The following UNC5D variants were observed in gnomAD, a reference collection of about 807,000 sequenced individuals.
The protein encoded by UNC5D is unc-5 netrin receptor D, also known as netrin receptor UNC5D.
UNC5D carries 39 observed loss-of-function variants against 105.4 expected under a neutral mutation model. The ratio of observed to expected loss-of-function variants is 0.37; its 90% CI spans 0.29 to 0.48. The LOEUF (loss-of-function observed/expected upper bound fraction) is 0.48, where lower values mean the gene tolerates loss of function less well. Ranked by LOEUF, UNC5D falls within the 20% of genes least tolerant of loss-of-function variation. UNC5D has a pLI of 0.98. For missense variants in UNC5D, 991 were observed against 1,202.4 expected (o/e 0.82, Z 2.60); for synonymous variants, 452 against 450.4 (o/e 1.00, Z -0.04).
At chr8:35,681,328 G>A (rs529375204) in intron 4 of UNC5D, among the ~76,000 whole-genome samples, 1 of 152,192 alleles carries the variant, frequency 6.6e-6, no homozygotes, top group Non-Finnish European at 1.5e-5. Context: ...TGGTGAGAAT[G>A]TGGATTTACT....
rs1365499555 is a variant in UNC5D, at chr8:35,734,387, A to G, written c.1766+3291A>G. Among the ~76,000 whole-genome samples the G allele has an allele frequency of 2.0e-5, 3 of 147,388 alleles. No homozygotes were observed. The East Asian group carries it at 6.1e-4, about 30-fold the overall frequency. ...AGCCTGTCTCATTTCCCAAACTTTA[A>G]TTTGAAAGACTTGGGGTATTTCTTT... On this transcript the variant is annotated intron_variant, in intron 11 of 16. Coordinates refer to ENST00000404895, the MANE Select transcript of UNC5D (RefSeq NM_080872.4).
intron 1 of UNC5D, among the ~76,000 whole-genome samples, chr8:35,522,932 A>G (rs1291292626): frequency 6.6e-6 from 1 of 152,220 alleles, no homozygotes; most frequent in African/African-American, 2.4e-5. Flanking sequence ...TTGCTTGAAT[A>G]GCCTGATAAC....
intron 1 of UNC5D, among the ~76,000 whole-genome samples, chr8:35,284,888 A>G (rs1457107331): frequency 6.6e-6 from 1 of 152,088 alleles, no homozygotes; most frequent in Non-Finnish European, 1.5e-5. Flanking sequence ...TAGAAGCAAA[A>G]TATTTCTCTC....
intron 1 of UNC5D, among the ~76,000 whole-genome samples, chr8:35,249,051 A>G (rs1803488986): frequency 8.8e-6 from 1 of 114,276 alleles, no homozygotes; most frequent in Non-Finnish European, 1.7e-5. Flanking sequence ...TTATATAAAA[A>G]TAATATATAA....
intron 4 of UNC5D, among the ~76,000 whole-genome samples, chr8:35,635,048 G>A (rs1470463961): frequency 1.3e-5 from 2 of 152,186 alleles, no homozygotes; most frequent in Middle Eastern, 3.2e-3. Flanking sequence ...TTACAAGCAT[G>A]AGCCACTGTG....
At chr8:35,470,400 C>T (rs1407483627) in intron 1 of UNC5D, among the ~76,000 whole-genome samples, 1 of 151,880 alleles carries the variant, frequency 6.6e-6, no homozygotes, top group Non-Finnish European at 1.5e-5. Context: ...GGCCATGGAT[C>T]CTGATATTGA....
In UNC5D at chr8:35,722,230, A is replaced by G. The variant is rs554964130; in HGVS notation, c.1138A>G (p.Ile380Val). The G allele has an allele frequency of 1.9e-6, 3 of 1,613,802 alleles. No homozygotes were observed. Among genetic ancestry groups the G allele is most frequent in the South Asian group, 2.2e-5 (2 of 91,034 alleles). The part of the protein sequence containing the change: ...KPQSIENASD[I>V]ALYSGLGAAV... ...TTCAGGCATTGAGAATGCCAGCGACATTGCTTTGTACTCGGGCTTGGGTGC... is the reference window on the plus strand; with the variant it reads ...TTCAGGCATTGAGAATGCCAGCGACGTTGCTTTGTACTCGGGCTTGGGTGC... Residue 380 changes from isoleucine to valine, a missense_variant, in exon 9 of 17, where the codon ATT (isoleucine) becomes GTT (valine). Around this residue, in one of 3 missense-constraint regions of UNC5D, gnomAD observed 944 missense variants for 1,131.6 expected, o/e 0.83. Transcript: ENST00000404895.
chr8:35,266,522 A>G (rs556343908), intron 1 of UNC5D, among the ~76,000 whole-genome samples: 1 of 152,342 alleles, frequency 6.6e-6, no homozygotes, highest in East Asian at 1.9e-4. Flanking sequence ...TCAGTTGTGA[A>G]GTACATAAAG....
In UNC5D at chr8:35,235,744, G is replaced by T; in HGVS notation, c.-41G>T. The T allele has an allele frequency of 8.2e-7, 1 of 1,224,926 alleles. No individual in the cohort carries two copies. Among genetic ancestry groups the T allele is most frequent in the South Asian group, 4.1e-5 (1 of 24,112 alleles). 75.9% of individuals were successfully genotyped at this position (1,224,926 alleles called of 1,614,324 possible). On this transcript the variant is annotated 5_prime_UTR_variant, in exon 1 of 17. Coordinates refer to ENST00000404895, the MANE Select transcript of UNC5D (RefSeq NM_080872.4). ...TCGCCGACCCTTTCCCGGGCTCCCG[G>T]AGCGTGAAGAAGAGCCGCCCTCCGG... is the stretch of plus-strand genomic sequence containing the variant.
chr8:35,463,563 C>T (rs574416965), intron 1 of UNC5D, among the ~76,000 whole-genome samples: 104 of 150,674 alleles, frequency 6.9e-4, no homozygotes, highest in Non-Finnish European at 1.1e-3. Context: ...ATTAAATCCA[C>T]TAGAATGCAA....
chr8:35,495,036 G>GA (rs1811456399), intron 1 of UNC5D, among the ~76,000 whole-genome samples: 1 of 151,984 alleles, frequency 6.6e-6, no homozygotes, highest in Non-Finnish European at 1.5e-5. Context: ...TCCCTCCCAG[G>GA]GGACCGATCC....
chr8:35,237,875 G>A (rs1802571518), intron 1 of UNC5D, among the ~76,000 whole-genome samples: 1 of 152,194 alleles, frequency 6.6e-6, no homozygotes, highest in Non-Finnish European at 1.5e-5. Context: ...GCTTTGCACA[G>A]TTGGGTGTAA....
chr8:35,245,041 G>A (rs868176335), intron 1 of UNC5D, among the ~76,000 whole-genome samples: 132 of 152,132 alleles, frequency 8.7e-4, no homozygotes, highest in African/African-American at 3.1e-3. Context: ...AAATAAATAT[G>A]CCATTAGAGA....
chr8:35,448,220 T>C (rs893550116), intron 1 of UNC5D, among the ~76,000 whole-genome samples: 8 of 152,232 alleles, frequency 5.3e-5, no homozygotes, highest in Admixed American at 1.3e-4. Context: ...GGTTTTTCCA[T>C]GTCTTTTTGA....
At chr8:35,584,401 G>C (rs1226972691) in intron 3 of UNC5D, among the ~76,000 whole-genome samples, 2 of 151,766 alleles carry the variant, frequency 1.3e-5, no homozygotes, top group Non-Finnish European at 2.9e-5. Flanking sequence ...TGTTTGTTTT[G>C]TTTTGTTTTG....
intron 4 of UNC5D, among the ~76,000 whole-genome samples, chr8:35,603,147 A>C (rs1820015271): frequency 6.6e-6 from 1 of 151,808 alleles, no homozygotes; most frequent in Non-Finnish European, 1.5e-5. Flanking sequence ...TAGCGTGTCA[A>C]TTTTAGATCT....
chr8:35,431,606 A>G (rs1327452858), intron 1 of UNC5D, among the ~76,000 whole-genome samples: 1 of 152,140 alleles, frequency 6.6e-6, no homozygotes, highest in Non-Finnish European at 1.5e-5. Context: ...ACAATAGGTT[A>G]TTTATGGAGA....
chr8:35,634,359 C>A (rs1822226312), intron 4 of UNC5D, among the ~76,000 whole-genome samples: 1 of 152,142 alleles, frequency 6.6e-6, no homozygotes, highest in African/African-American at 2.4e-5. Context: ...CTAAACAAGG[C>A]AATGCACAAA....
At position 35,554,107 on chromosome 8, in the gene UNC5D, G is replaced by A. The variant is rs185595189; in HGVS notation, c.322+4597G>A. ...TGGGAAATGCATAGGACCTGGGAGTGTTTGGAGTAGACACAGAATCTTTCG... is the reference window on the plus strand; with the variant it reads ...TGGGAAATGCATAGGACCTGGGAGTATTTGGAGTAGACACAGAATCTTTCG... On this transcript the variant is annotated intron_variant, in intron 2 of 16. Coordinates refer to ENST00000404895, the MANE Select transcript of UNC5D (RefSeq NM_080872.4). Among the ~76,000 whole-genome samples, 135 of 152,322 alleles carry A rather than the reference G, an allele frequency of 8.9e-4. 1 individual carries two copies. The highest frequency in any genetic ancestry group is 1.5e-4 in the Non-Finnish European group (10 of 68,026).
Sources: allele counts gnomAD v4.1 joint callset (sites outside exome capture counted in the v4.1 genomes callset), GRCh38; gene constraint gnomAD v4.1.1; regional missense constraint gnomAD v4.1.1; transcripts MANE v1.5; gene names NCBI Gene and HGNC (gene_info 2026-07-23, HGNC 2026-07-21).